Variants in HID1 observed in about 807,000 individuals in gnomAD.
HID1 encodes protein HID1.
HID1 carries 42 observed loss-of-function variants against 89.7 expected under a neutral mutation model. The observed-to-expected ratio is 0.47, with a 90% confidence interval of 0.37 to 0.61. The LOEUF (loss-of-function observed/expected upper bound fraction) is 0.61. HID1 is among the 20% of genes least tolerant of loss of function. The pLI is 0.00. For missense variants in HID1, 854 were observed against 1,039.3 expected (o/e 0.82, Z 2.45); for synonymous variants, 442 against 433.8 (o/e 1.02, Z -0.24).
Position 74,950,966 on chromosome 17 carries a change from T to C in HID1, c.*604A>G, listed in dbSNP as rs1044433. On this transcript the variant is annotated 3_prime_UTR_variant, in exon 19 of 19. Coordinates refer to ENST00000425042, the MANE Select transcript of HID1 (RefSeq NM_030630.3). ...GTAAGAGGGAGCCAGGCTATTTCCA[T>C]GGATCCAGGAGAATATAGCAGGAGA... is the stretch of plus-strand genomic sequence containing the variant. The C allele has an allele frequency of 0.65, 99,594 of 152,186 alleles. 33,133 individuals carry two copies. The highest frequency in any genetic ancestry group is 0.7 in the Non-Finnish European group (47,494 of 68,160). The allele number at this position is 152,186 out of a possible 1,614,324, so 9.4% of individuals were successfully genotyped here. A position where few individuals can be genotyped will look rare whatever the true frequency, so the allele number is the denominator to read the frequency against.
intron 13 of HID1, 78 bp from the exon 14 acceptor site, chr17:74,954,443 AG>A: frequency 1.3e-6 from 2 of 1,542,142 alleles, no homozygotes; most frequent in Non-Finnish European, 1.7e-6. Flanking sequence ...GCTTCCTGGA[AG>A]GGGGAGTTTG....
Position 74,958,514 on chromosome 17 carries a change from G to A in HID1, c.1241-36C>T, listed in dbSNP as rs775425519. 9 of 1,570,508 alleles carry A rather than the reference G, an allele frequency of 5.7e-6. No individual in the cohort carries two copies. In the South Asian group the frequency reaches 7.0e-5, roughly 12 times the overall value. Reference sequence around the variant, plus strand: ...TGGCGTGGGAGGGGTCACTCGGGTGGGAGGGGGAAGGAGGGGCCCAGGCAG... The same window carrying A: ...TGGCGTGGGAGGGGTCACTCGGGTGAGAGGGGGAAGGAGGGGCCCAGGCAG... On this transcript the variant is annotated intron_variant, in intron 10 of 18. Coordinates refer to ENST00000425042, the MANE Select transcript of HID1 (RefSeq NM_030630.3). This position sits in a 1 kb window ranked among gnomAD's most constrained non-coding sequence, Gnocchi z 5.2.
At chr17:74,970,258 T>A (rs1479834144) in intron 1 of HID1, among the ~76,000 whole-genome samples, 1 of 152,082 alleles carries the variant, frequency 6.6e-6, no homozygotes, top group Non-Finnish European at 1.5e-5. Flanking sequence ...AGGCCCCTGC[T>A]CGGACTAGAC....
intron 1 of HID1, among the ~76,000 whole-genome samples, chr17:74,967,133 G>A (rs1006310887): frequency 3.3e-5 from 5 of 152,040 alleles, no homozygotes; most frequent in Admixed American, 2.6e-4. Flanking sequence ...CAGCTACTCA[G>A]GAGGCTGAGG....
rs1319846302 is a variant in HID1 at position 74,960,123 on chromosome 17, G to A, written c.854C>T (p.Ala285Val). ...DYREPLVEEA[A>V]QVLIVTLDHD... ...GTCCAAAGTGACAATGAGCACCTGG[G>A]CAGCCTCCTCCACCAGGGGTTCCCG... Residue 285 changes from alanine (A) to valine (V), a missense_variant, in exon 7 of 19, where the codon GCC becomes GTC. By Grantham distance (64) the Ala-to-Val change is moderately conservative. Transcript: ENST00000425042. 6.2e-7 allele frequency: 1 copy of A among 1,614,006 alleles called. No homozygotes were observed. The highest frequency in any genetic ancestry group is 2.2e-5 in the East Asian group (1 of 44,890).
At position 74,958,668 on chromosome 17, in the gene HID1, C is replaced by T; in HGVS notation, c.1240+5G>A. On this transcript the variant is annotated splice_donor_5th_base_variant and intron_variant, in intron 10 of 18. Coordinates refer to ENST00000425042, the MANE Select transcript of HID1 (RefSeq NM_030630.3). The surrounding 1 kb of genome is among the most constrained non-coding windows in gnomAD (Gnocchi z 5.2). ...CCCAGCATCCCACCCCCACCCTGGT[C>T]TTACACTGATCGGCCCGGGCATCGT... 2.8e-6 allele frequency: 2 copies of T among 725,516 alleles called. No homozygotes were observed. The highest frequency in any genetic ancestry group is 4.7e-6 in the Non-Finnish European group (2 of 423,012). 44.9% of individuals were successfully genotyped at this position (725,516 alleles called of 1,614,324 possible). A position where few individuals can be genotyped will look rare whatever the true frequency, so the allele number is the denominator to read the frequency against.
Position 74,962,225 on chromosome 17 carries a change from G to A in HID1, c.611+9C>T, listed in dbSNP as rs368939721. On this transcript the variant is annotated intron_variant, in intron 5 of 18. Coordinates refer to ENST00000425042, the MANE Select transcript of HID1 (RefSeq NM_030630.3). The surrounding 1 kb of genome is among the most constrained non-coding windows in gnomAD (Gnocchi z 4.3). The stretch of plus-strand genomic sequence containing the variant: ...TGCATTGAGGGCTCCGGGCCTGGGC[G>A]AAGCTCACCGGTTCATATCGTGGAT... 1.9e-5 allele frequency: 30 copies of A among 1,597,178 alleles called. No individual in the cohort carries two copies. Among genetic ancestry groups the A allele is most frequent in the African/African-American group, 6.7e-5 (5 of 74,628 alleles).
rs1434054045 is a variant in HID1, at chr17:74,958,013, A to G, written c.1471+128T>C. 2.8e-6 allele frequency: 2 copies of G among 712,542 alleles called. No individual in the cohort carries two copies. The highest frequency in any genetic ancestry group is 4.7e-6 in the Non-Finnish European group (2 of 424,856). The allele number at this position is 712,542 out of a possible 1,614,324, so 44.1% of individuals were successfully genotyped here. On this transcript the variant is annotated intron_variant, in intron 12 of 18. Transcript: ENST00000425042. The surrounding 1 kb of genome is among the most constrained non-coding windows in gnomAD (Gnocchi z 5.2). ...CTTTTTTTTTAATGTGGCTACTATG[A>G]AGGGTACACAAGCTTGCGTTCTTTC...
At chr17:74,963,370 G>A in intron 3 of HID1, 1 of 494,552 alleles carries the variant, frequency 2.0e-6, no homozygotes, top group Non-Finnish European at 3.6e-6. Context: ...TCACTGTGTT[G>A]CATCCCTCAG....
rs2039669220 is a variant in HID1 at position 74,972,701 on chromosome 17, C to CCGGCTCCGGCTT, written c.-57_-46dup. 6.7e-7 allele frequency: 1 copy of CCGGCTCCGGCTT among 1,490,568 alleles called. No individual in the cohort carries two copies. Among genetic ancestry groups the CCGGCTCCGGCTT allele is most frequent in the Non-Finnish European group, 9.0e-7 (1 of 1,112,744 alleles). 92.3% of individuals were successfully genotyped at this position (1,490,568 alleles called of 1,614,324 possible). A position where few individuals can be genotyped will look rare whatever the true frequency, so the allele number is the denominator to read the frequency against. On this transcript the variant is annotated 5_prime_UTR_variant, in exon 1 of 19. Transcript: ENST00000425042. This position sits in a 1 kb window ranked among gnomAD's most constrained non-coding sequence, Gnocchi z 6.4. ...GCCCGGCCCCCGCCCAGACTCCAACCCGGCTCCGGCTTCAGCTCCGGCTCC... is the reference window on the plus strand; with the variant it reads ...GCCCGGCCCCCGCCCAGACTCCAACCCGGCTCCGGCTTCGGCTCCGGCTTCAGCTCCGGCTCC...
chr17:74,972,712 T>C lies in HID1; in HGVS notation c.-56A>G. On this transcript the variant is annotated 5_prime_UTR_variant, in exon 1 of 19. Coordinates refer to ENST00000425042, the MANE Select transcript of HID1 (RefSeq NM_030630.3). The surrounding 1 kb of genome is among the most constrained non-coding windows in gnomAD (Gnocchi z 6.4). Reference sequence around the variant, plus strand: ...GCCCAGACTCCAACCCGGCTCCGGCTTCAGCTCCGGCTCCAGCTCCGCGGC... The same window carrying C: ...GCCCAGACTCCAACCCGGCTCCGGCCTCAGCTCCGGCTCCAGCTCCGCGGC... 5.5e-6 allele frequency: 8 copies of C among 1,459,764 alleles called. No individual in the cohort carries two copies. The highest frequency in any genetic ancestry group is 1.5e-5 in the African/African-American group (1 of 67,328). The allele number at this position is 1,459,764 out of a possible 1,614,324, so 90.4% of individuals were successfully genotyped here. A position where few individuals can be genotyped will look rare whatever the true frequency, so the allele number is the denominator to read the frequency against.
intron 1 of HID1, among the ~76,000 whole-genome samples, chr17:74,970,054 A>T (rs2039623410): frequency 6.6e-6 from 1 of 150,432 alleles, no homozygotes; most frequent in African/African-American, 2.5e-5. Context: ...GTAGCTGGGA[A>T]TACAGGCATG....
At chr17:74,952,909 A>AGCTTCCCTGG in intron 16 of HID1, 97 bp downstream of exon 16, 1 of 912,990 alleles carries the variant, frequency 1.1e-6, no homozygotes, top group African/African-American at 1.7e-5. Flanking sequence ...ATCTTCACTG[A>AGCTTCCCTGG]GCTTCCCTGG....
intron 3 of HID1, chr17:74,963,431 A>C: frequency 4.0e-6 from 2 of 495,274 alleles, no homozygotes; most frequent in Admixed American, 3.6e-5. Context: ...GAGAGAGGAC[A>C]GTGTGGTCCC....
chr17:74,958,684 CG>C lies in HID1; in HGVS notation c.1228del (p.Arg410GlyfsTer9). ...VPILFFLNDA[R>X]ADQSRVGLMH... Reference sequence around the variant, plus strand: ...CACCCTGGTCTTACACTGATCGGCCCGGGCATCGTTGAGGAAGAAGAGGATG... The same window carrying C: ...CACCCTGGTCTTACACTGATCGGCCCGGCATCGTTGAGGAAGAAGAGGATG... On this transcript the variant is annotated frameshift_variant, in exon 10 of 19. Transcript: ENST00000425042. LOFTEE classifies it high-confidence loss of function. The surrounding 1 kb of genome is among the most constrained non-coding windows in gnomAD (Gnocchi z 5.2). 1 of 1,611,012 alleles carries C rather than the reference CG, an allele frequency of 6.2e-7. No homozygotes were observed. The highest frequency in any genetic ancestry group is 2.2e-5 in the East Asian group (1 of 44,754).
chr17:74,951,746 C>T lies in HID1; in HGVS notation c.2304-113G>A, dbSNP rs2039303343. On this transcript the variant is annotated intron_variant, in intron 18 of 18. Coordinates refer to ENST00000425042, the MANE Select transcript of HID1 (RefSeq NM_030630.3). ...CAACCCTTTCCATCCCGATGTCCCA[C>T]CCTGGGCAGCGGGTGCCACCGTCAA... is the stretch of plus-strand genomic sequence containing the variant. The T allele has an allele frequency of 2.9e-6, 4 of 1,362,146 alleles. No individual in the cohort carries two copies. The East Asian group carries it at 9.9e-5, about 34-fold the overall frequency. The allele number at this position is 1,362,146 out of a possible 1,614,324, so 84.4% of individuals were successfully genotyped here. A position where few individuals can be genotyped will look rare whatever the true frequency, so the allele number is the denominator to read the frequency against.
In HID1 at chr17:74,959,684, C is replaced by A. The variant is rs1260335113; in HGVS notation, c.1008+197G>T. ...CAGCCACCTCCTCCTAGAGGCCTTCCCAGTTACCTCTACCCAGGTGAGGCC... is the reference window on the plus strand; with the variant it reads ...CAGCCACCTCCTCCTAGAGGCCTTCACAGTTACCTCTACCCAGGTGAGGCC... On this transcript the variant is annotated intron_variant, in intron 8 of 18. Coordinates refer to ENST00000425042, the MANE Select transcript of HID1 (RefSeq NM_030630.3). This position sits in a 1 kb window ranked among gnomAD's most constrained non-coding sequence, Gnocchi z 4.6. Among the ~76,000 whole-genome samples, 1 of 152,190 alleles carries A rather than the reference C, an allele frequency of 6.6e-6. No individual in the cohort carries two copies. The highest frequency in any genetic ancestry group is 2.4e-5 in the African/African-American group (1 of 41,444).
chr17:74,954,470 T>C (rs1239449129), intron 13 of HID1, 105 bp from the exon 14 acceptor site: 14 of 1,532,250 alleles, frequency 9.1e-6, no homozygotes, highest in African/African-American at 1.4e-5. Flanking sequence ...CAGGAGGGTG[T>C]CTGCCCAAGG....
chr17:74,972,529 C>G lies in HID1; in HGVS notation c.66+62G>C. The G allele has an allele frequency of 6.8e-7, 1 of 1,463,912 alleles. No homozygotes were observed. The highest frequency in any genetic ancestry group is 9.3e-7 in the Non-Finnish European group (1 of 1,078,690). 90.7% of individuals were successfully genotyped at this position (1,463,912 alleles called of 1,614,324 possible). On this transcript the variant is annotated intron_variant, in intron 1 of 18. Coordinates refer to ENST00000425042, the MANE Select transcript of HID1 (RefSeq NM_030630.3). The surrounding 1 kb of genome is among the most constrained non-coding windows in gnomAD (Gnocchi z 6.4). ...CCCGACGAGCCAAGTTCGCGTACCC[C>G]CGGCCCTGCCCAGCCCCCAGCCCGG...
Sources: gnomAD v4.1 joint callset for allele counts (sites outside exome capture counted in the v4.1 genomes callset) on GRCh38, gnomAD v4.1.1 for gene constraint, Gnocchi (gnomAD v3.1) non-coding constraint, MANE v1.5 for transcripts, NCBI Gene and HGNC (gene_info 2026-07-23, HGNC 2026-07-21) for gene names.